The following ZNF354B variants were observed in gnomAD, a reference collection of about 807,000 sequenced individuals.
The protein encoded by ZNF354B is zinc finger protein 354B.
In ZNF354B, 10 loss-of-function variants were observed where a neutral mutation model predicts 12.9. The observed-to-expected ratio is 0.77, with a 90% confidence interval of 0.48 to 1.31. The LOEUF is 1.31. ZNF354B is among the 40% of genes most tolerant of loss of function. ZNF354B has a pLI of 0.00. For synonymous variants in ZNF354B, 260 were observed against 243.7 expected (o/e 1.07, Z -0.62); for missense variants, 614 against 711.7 (o/e 0.86, Z 1.56).
chr5:178,863,246 G>A (rs557414091), intron 2 of ZNF354B, among the ~76,000 whole-genome samples: 14 of 152,214 alleles, frequency 9.2e-5, no homozygotes, highest in African/African-American at 2.9e-4. Flanking sequence ...ATATACATAT[G>A]TATATGTGTG....
intron 4 of ZNF354B, among the ~76,000 whole-genome samples, chr5:178,878,654 T>C (rs1359795907): frequency 6.6e-6 from 1 of 152,248 alleles, no homozygotes; most frequent in East Asian, 1.9e-4. Flanking sequence ...CATTTTGTCA[T>C]TTGATAAATG....
chr5:178,862,559 G>A (rs1757375742), intron 2 of ZNF354B, among the ~76,000 whole-genome samples: 1 of 151,910 alleles, frequency 6.6e-6, no homozygotes. Flanking sequence ...TAGTAGAGAC[G>A]GGGTTTCACC....
chr5:178,871,056 C>T (rs1333559793), intron 4 of ZNF354B, among the ~76,000 whole-genome samples: 8 of 145,992 alleles, frequency 5.5e-5, no homozygotes, highest in African/African-American at 2.1e-4. Flanking sequence ...ACCAACATCT[C>T]TTCTCTTCAT....
At chr5:178,870,868 A>G (rs959338814) in intron 4 of ZNF354B, among the ~76,000 whole-genome samples, 25 of 152,030 alleles carry the variant, frequency 1.6e-4, no homozygotes, top group African/African-American at 5.6e-4. Flanking sequence ...TATGCTGCCC[A>G]GGCTGTTCTT....
rs1757448686 is a variant in ZNF354B, at chr5:178,866,154, G to A, written c.34-90G>A. The A allele has an allele frequency of 5.8e-6, 9 of 1,544,968 alleles. No homozygotes were observed. In the East Asian group the frequency reaches 1.8e-4, roughly 31 times the overall value. On this transcript the variant is annotated intron_variant, in intron 2 of 4. Coordinates refer to ENST00000322434, the MANE Select transcript of ZNF354B (RefSeq NM_058230.3). ...TTCAGAAGCTTGAATAGTATGAGAA[G>A]TGTTTCACGGGTAGCGTGTCTTCCC... is the stretch of plus-strand genomic sequence containing the variant.
rs371235539 is a variant in ZNF354B at position 178,883,774 on chromosome 5, A to G, written c.1322A>G (p.Asn441Ser). ...ACTGGAGAGAAATTGTATAATTGTAATGAATGTGGTAAAGCCTTAAGCTCC... is the reference window on the plus strand; with the variant it reads ...ACTGGAGAGAAATTGTATAATTGTAGTGAATGTGGTAAAGCCTTAAGCTCC... Reference protein sequence around the residue: ...IHTGEKLYNCNECGKALSSHS... With the variant: ...IHTGEKLYNCSECGKALSSHS... The change falls in exon 5 of 5, where the codon AAT (asparagine) becomes AGT (serine). Residue 441 changes from asparagine (N) to serine (S), a missense_variant. Physicochemically the swap from Asn to Ser is conservative, Grantham distance 46. Transcript: ENST00000322434. 2.9e-5 allele frequency: 47 copies of G among 1,614,046 alleles called. No homozygotes were observed. Among genetic ancestry groups the G allele is most frequent in the Non-Finnish European group, 3.7e-5 (44 of 1,180,012 alleles).
chr5:178,860,613 G>A (rs1425027632), intron 1 of ZNF354B: 2 of 173,390 alleles, frequency 1.2e-5, no homozygotes, highest in Non-Finnish European at 2.4e-5. Context: ...GGGCCGTCGT[G>A]GTGGGAGTCC....
intron 2 of ZNF354B, 75 bp from the exon 3 acceptor site, chr5:178,866,169 C>T (rs541186540): frequency 6.3e-5 from 99 of 1,573,712 alleles, no homozygotes; most frequent in Middle Eastern, 3.4e-4. Flanking sequence ...TCACGGGTAG[C>T]GTGTCTTCCC....
chr5:178,862,211 A>G (rs1757367431), intron 2 of ZNF354B, among the ~76,000 whole-genome samples: 1 of 152,104 alleles, frequency 6.6e-6, no homozygotes, highest in Non-Finnish European at 1.5e-5. Context: ...GAGGAAACTG[A>G]GGCTCAGAAA....
chr5:178,863,517 T>G (rs1030043295), intron 2 of ZNF354B, among the ~76,000 whole-genome samples: 1 of 152,234 alleles, frequency 6.6e-6, no homozygotes, highest in Non-Finnish European at 1.5e-5. Context: ...AGCCTGCCAG[T>G]CCTATAAAAG....
At chr5:178,874,758 T>G (rs899564456) in intron 4 of ZNF354B, among the ~76,000 whole-genome samples, 8 of 152,238 alleles carry the variant, frequency 5.3e-5, no homozygotes, top group Non-Finnish European at 8.8e-5. Flanking sequence ...TTAGGAGCCC[T>G]TGCTGAGAAA....
chr5:178,884,115 T>A lies in ZNF354B; in HGVS notation c.1663T>A (p.Cys555Ser). ...TGEKPFKCNT[C>S]GKTFRQSSSL... ...AGAAAAACCCTTTAAATGTAATACA[T>A]GTGGAAAAACTTTTAGACAAAGCTC... is the stretch of plus-strand genomic sequence containing the variant. The change falls in exon 5 of 5, where the codon TGT (cysteine) becomes AGT (serine). Residue 555 changes from cysteine to serine, a missense_variant. Cys to Ser is a moderately radical substitution (Grantham distance 112). Transcript: ENST00000322434. 2 of 1,614,090 alleles carry A rather than the reference T, an allele frequency of 1.2e-6. No homozygotes were observed. The highest frequency in any genetic ancestry group is 1.7e-6 in the Non-Finnish European group (2 of 1,179,968).
chr5:178,880,073 C>T (rs1252294941), intron 4 of ZNF354B, among the ~76,000 whole-genome samples: 2 of 152,166 alleles, frequency 1.3e-5, no homozygotes, highest in African/African-American at 4.8e-5. Flanking sequence ...TTGCAGTGAG[C>T]TGAGATCACG....
intron 4 of ZNF354B, among the ~76,000 whole-genome samples, chr5:178,874,020 G>A (rs1294758439): frequency 2.7e-5 from 4 of 150,194 alleles, no homozygotes; most frequent in African/African-American, 7.4e-5. Context: ...GCAGTGGTGC[G>A]ATCTCTGCTC....
At chr5:178,872,457 G>A (rs773377208) in intron 4 of ZNF354B, among the ~76,000 whole-genome samples, 15 of 152,292 alleles carry the variant, frequency 9.8e-5, no homozygotes, top group Admixed American at 3.9e-4. Context: ...TTCATGTGCA[G>A]GTTTTTGTGC....
chr5:178,871,501 G>A (rs948262885), intron 4 of ZNF354B, among the ~76,000 whole-genome samples: 1 of 152,232 alleles, frequency 6.6e-6, no homozygotes, highest in Non-Finnish European at 1.5e-5. Context: ...TTAGCGCTGT[G>A]TAATAGACCT....
intron 2 of ZNF354B, among the ~76,000 whole-genome samples, chr5:178,865,761 T>C (rs765044900): frequency 9.9e-5 from 15 of 152,210 alleles, no homozygotes; most frequent in Non-Finnish European, 1.5e-4. Context: ...ATTTTCATCA[T>C]TATTATCCTC....
rs1757337925 is a variant in ZNF354B at position 178,861,028 on chromosome 5, G to A, written c.-20G>A. On this transcript the variant is annotated 5_prime_UTR_variant, in exon 2 of 5. Transcript: ENST00000322434. ...CTTCTGGAGACTGCGCCGTCCTCCC[G>A]GGAGAGCCAGAAAGAGGACATGGCT... 1.9e-6 allele frequency: 2 copies of A among 1,058,630 alleles called. No homozygotes were observed. The highest frequency in any genetic ancestry group is 2.8e-5 in the South Asian group (2 of 71,958). 65.6% of individuals were successfully genotyped at this position (1,058,630 alleles called of 1,614,324 possible).
chr5:178,878,359 G>A (rs1401205532), intron 4 of ZNF354B, among the ~76,000 whole-genome samples: 1 of 151,646 alleles, frequency 6.6e-6, no homozygotes, highest in Non-Finnish European at 1.5e-5. Context: ...CTCCAGCCTG[G>A]GCAACAGAGC....
Sources: allele counts gnomAD v4.1 joint callset (sites outside exome capture counted in the v4.1 genomes callset), GRCh38; gene constraint gnomAD v4.1.1; transcripts MANE v1.5; gene names NCBI Gene and HGNC (gene_info 2026-07-23, HGNC 2026-07-21).